Variants in USP6 observed in about 807,000 individuals in gnomAD.
The protein encoded by USP6 is ubiquitin carboxyl-terminal hydrolase 6.
USP6 carries 128 observed loss-of-function variants against 175.7 expected under a neutral mutation model. The ratio of observed to expected loss-of-function variants is 0.73; its 90% CI spans 0.63 to 0.84. The LOEUF (loss-of-function observed/expected upper bound fraction) is 0.84, where lower values mean the gene tolerates loss of function less well. USP6 is among the 40% of genes least tolerant of loss of function. USP6 has a pLI of 0.00. For missense variants in USP6, 1,498 were observed against 1,760.3 expected (o/e 0.85, Z 2.67); for synonymous variants, 562 against 630.6 (o/e 0.89, Z 1.63).
intron 30 of USP6, among the ~76,000 whole-genome samples, chr17:5,153,661 T>TC (rs1567803524): frequency 6.6e-6 from 1 of 150,494 alleles, no homozygotes. Flanking sequence ...CCTTTCTTTT[T>TC]CTTTTTTTTT....
At chr17:5,123,385 CGGCGT>C (rs917950543) in intron 4 of USP6, among the ~76,000 whole-genome samples, 10 of 151,678 alleles carry the variant, frequency 6.6e-5, no homozygotes, top group African/African-American at 2.4e-5. Context: ...TCAGCAGGCC[CGGCGT>C]GGCGTGGCGT....
intron 30 of USP6, among the ~76,000 whole-genome samples, chr17:5,153,398 T>C (rs2073815790): frequency 6.6e-6 from 1 of 152,156 alleles, no homozygotes; most frequent in African/African-American, 2.4e-5. Flanking sequence ...GTGATTCTCC[T>C]GCCTCGGCCT....
intron 25 of USP6, among the ~76,000 whole-genome samples, 184 bp downstream of exon 25, chr17:5,142,686 C>T (rs200392731): frequency 6.6e-6 from 1 of 152,152 alleles, no homozygotes; most frequent in African/African-American, 2.4e-5. Flanking sequence ...ACTGTATATG[C>T]AGTGGGTAGG....
chr17:5,123,221 T>C (rs1333297661), intron 4 of USP6: 1 of 53,274 alleles, frequency 1.9e-5, no homozygotes, highest in African/African-American at 7.1e-5. Context: ...ATCTACTGGA[T>C]GGGGCGGGTG....
In USP6 at chr17:5,130,656, A is replaced by G; in HGVS notation, c.127A>G (p.Ser43Gly). Residue 43 changes from serine (S) to glycine (G), a missense_variant, in exon 11 of 38, where the codon AGC becomes GGC. By Grantham distance (56) the Ser-to-Gly change is moderately conservative. This residue lies in a region of USP6 where 281 missense variants were observed against 259.6 expected (regional missense o/e 1.08). Coordinates refer to ENST00000574788, the MANE Select transcript of USP6 (RefSeq NM_001304284.2). ...GGGGCCTGAGCCCGTTGGAATCAAC[A>G]GCAGCATTGATCGTTTTGGCATTTT... ...DKGPEPVGIN[S>G]SIDRFGILHE... The G allele has an allele frequency of 6.2e-7, 1 of 1,614,004 alleles. No individual in the cohort carries two copies. The highest frequency in any genetic ancestry group is 8.5e-7 in the Non-Finnish European group (1 of 1,179,860).
At position 5,136,649 on chromosome 17, in the gene USP6, G is replaced by A. The variant is rs1349174398; in HGVS notation, c.674G>A (p.Ser225Asn). 6.2e-7 allele frequency: 1 copy of A among 1,611,722 alleles called. No homozygotes were observed. Among genetic ancestry groups the A allele is most frequent in the East Asian group, 2.2e-5 (1 of 44,892 alleles). Reference protein sequence around the residue: ...SERHSLPGFHSPNGGTVQGLQ... With the variant: ...SERHSLPGFHNPNGGTVQGLQ... ...GCTGGGGGCTTCTCAGGATTCCACAGCCCAAATGGTGGGACAGTCCAGGGG... is the reference window on the plus strand; with the variant it reads ...GCTGGGGGCTTCTCAGGATTCCACAACCCAAATGGTGGGACAGTCCAGGGG... The change falls in exon 18 of 38, where the codon AGC (serine) becomes AAC (asparagine). Residue 225 changes from serine to asparagine, a missense_variant. By Grantham distance (46) the Ser-to-Asn change is conservative. This residue lies in a region of USP6 where 1,217 missense variants were observed against 1,500.8 expected (regional missense o/e 0.81). Coordinates refer to ENST00000574788, the MANE Select transcript of USP6 (RefSeq NM_001304284.2).
chr17:5,130,649 AATC>A lies in USP6; in HGVS notation c.122_124del (p.Ile41del). 6.2e-7 allele frequency: 1 copy of A among 1,613,988 alleles called. No individual in the cohort carries two copies. The highest frequency in any genetic ancestry group is 1.7e-5 in the Admixed American group (1 of 60,018). On this transcript the variant is annotated inframe_deletion, in exon 11 of 38. Coordinates refer to ENST00000574788, the MANE Select transcript of USP6 (RefSeq NM_001304284.2). Reference sequence around the variant, plus strand: ...AGGACAAGGGGCCTGAGCCCGTTGGAATCAACAGCAGCATTGATCGTTTTGGCA... The same window carrying A: ...AGGACAAGGGGCCTGAGCCCGTTGGAAACAGCAGCATTGATCGTTTTGGCA...
intron 11 of USP6, among the ~76,000 whole-genome samples, chr17:5,131,603 G>A (rs2073070903): frequency 6.6e-6 from 1 of 151,184 alleles, no homozygotes; most frequent in African/African-American, 2.4e-5. Flanking sequence ...GACAGTGGGA[G>A]TTGTGGCCCT....
At chr17:5,135,013 G>A (rs546078228) in intron 15 of USP6, 35 of 505,002 alleles carry the variant, frequency 6.9e-5, no homozygotes, top group Middle Eastern at 8.8e-4. Flanking sequence ...ATCATTCAGC[G>A]TGAAAAGGAT....
In USP6 at chr17:5,163,009, G is replaced by A; in HGVS notation, c.3036+5G>A. 1 of 1,560,422 alleles carries A rather than the reference G, an allele frequency of 6.4e-7. No homozygotes were observed. Among genetic ancestry groups the A allele is most frequent in the Non-Finnish European group, 8.6e-7 (1 of 1,160,508 alleles). On this transcript the variant is annotated splice_donor_5th_base_variant and intron_variant, in intron 33 of 37. Coordinates refer to ENST00000574788, the MANE Select transcript of USP6 (RefSeq NM_001304284.2). ...TATCAAACATCCCAGGAAAGGGTAAGAATTTAGGGCCACCGTAAAATGGTG... is the reference window on the plus strand; with the variant it reads ...TATCAAACATCCCAGGAAAGGGTAAAAATTTAGGGCCACCGTAAAATGGTG...
intron 33 of USP6, among the ~76,000 whole-genome samples, chr17:5,165,096 C>T (rs1398479584): frequency 2.6e-5 from 4 of 151,978 alleles, no homozygotes; most frequent in Non-Finnish European, 5.9e-5. Context: ...GTTTTAAAAA[C>T]AAGACATAAA....
At position 5,169,042 on chromosome 17, in the gene USP6, C is replaced by G. The variant is rs1207118382; in HGVS notation, c.3504C>G (p.Ser1168Arg). The G allele has an allele frequency of 6.2e-7, 1 of 1,606,066 alleles. No homozygotes were observed. Among genetic ancestry groups the G allele is most frequent in the Non-Finnish European group, 8.5e-7 (1 of 1,176,368 alleles). ...CATCCTCACTCAGCGCTAACATCAG[C>G]AGCAGCCCAAAAGGTGAGGCCTGGG... ...KSPSSLSANI[S>R]SSPKGSPSSS... The change falls in exon 35 of 38, where the codon AGC becomes AGG. Residue 1168 changes from serine to arginine, a missense_variant. Transcript: ENST00000574788.
Position 5,133,910 on chromosome 17 carries a change from G to T in USP6, c.408G>T (p.Arg136Ser). The part of the protein sequence containing the change: ...RYQIMKERGK[R>S]SSEHIHHIDL... ...AGATCATGAAGGAGAGGGGCAAGAG[G>T]TCATCTGAACACATCCACCACATCG... Residue 136 changes from arginine (R) to serine (S), a missense_variant, in exon 15 of 38, where the codon AGG becomes AGT. Transcript: ENST00000574788. 2 of 1,614,166 alleles carry T rather than the reference G, an allele frequency of 1.2e-6. No homozygotes were observed. The highest frequency in any genetic ancestry group is 1.6e-4 in the Middle Eastern group (1 of 6,062).
At position 5,173,935 on chromosome 17, in the gene USP6, AAG is replaced by A. The variant is rs1215034374; in HGVS notation, c.*963_*964del. The A allele has an allele frequency of 2.3e-5, 5 of 218,630 alleles. No homozygotes were observed. The highest frequency in any genetic ancestry group is 1.4e-3 in the Middle Eastern group (1 of 720). The allele number at this position is 218,630 out of a possible 1,614,324, so 13.5% of individuals were successfully genotyped here. A position where few individuals can be genotyped will look rare whatever the true frequency, so the allele number is the denominator to read the frequency against. On this transcript the variant is annotated 3_prime_UTR_variant, in exon 38 of 38. Transcript: ENST00000574788. ...TCTGTGTTTGTTTTGCACTTTAAAA[AAG>A]AGAGAACACATGCAAATGAACTTGC...
intron 21 of USP6, chr17:5,138,930 G>A (rs2073349510): frequency 4.0e-6 from 5 of 1,256,802 alleles, no homozygotes; most frequent in Non-Finnish European, 4.3e-6. Context: ...TGACATCCAA[G>A]GCCCCTCCCA....
At position 5,132,747 on chromosome 17, in the gene USP6, A is replaced by G. The variant is rs2073114151; in HGVS notation, c.196-163A>G. Among the ~76,000 whole-genome samples, 1 of 152,016 alleles carries G rather than the reference A, an allele frequency of 6.6e-6. No homozygotes were observed. Among genetic ancestry groups the G allele is most frequent in the African/African-American group, 2.4e-5 (1 of 41,382 alleles). ...TGTCCCGGGGTCCCAAAGCCAGCCC[A>G]TTGGTGCTCATTTGCTCAAAGGCTC... On this transcript the variant is annotated intron_variant, in intron 12 of 37. Transcript: ENST00000574788. This position sits in a 1 kb window ranked among gnomAD's most constrained non-coding sequence, Gnocchi z 4.7.
In USP6 at chr17:5,135,898, C is replaced by T. The variant is rs1170104941; in HGVS notation, c.634C>T (p.Leu212=). ...GGACGCATTCTGGGCACTGGTGCAGCTGCTGGCCAGTGAGAGGCACTCCCT... is the reference window on the plus strand; with the variant it reads ...GGACGCATTCTGGGCACTGGTGCAGTTGCTGGCCAGTGAGAGGCACTCCCT... ...EEDAFWALVQ[L]LASERHSLPG... is the part of the protein sequence containing the mutation. Residue 212 remains leucine, a synonymous_variant, in exon 17 of 38, where the codon CTG becomes TTG. Coordinates refer to ENST00000574788, the MANE Select transcript of USP6 (RefSeq NM_001304284.2). The T allele has an allele frequency of 1.3e-6, 2 of 1,599,068 alleles. No individual in the cohort carries two copies. Among genetic ancestry groups the T allele is most frequent in the East Asian group, 2.2e-5 (1 of 44,872 alleles).
In USP6 at chr17:5,128,133, G is replaced by A. The variant is rs535675881; in HGVS notation, c.-338+494G>A. Among the ~76,000 whole-genome samples the A allele has an allele frequency of 2.6e-4, 39 of 152,318 alleles. 1 individual carries two copies. The South Asian group carries it at 7.7e-3, about 30-fold the overall frequency. On this transcript the variant is annotated intron_variant, in intron 7 of 37. Transcript: ENST00000574788. ...ACAGGCAGACTAAGCCCAGGTCAAA[G>A]CCCTCCCCTTGGATGTTCATTTTAT... is the stretch of plus-strand genomic sequence containing the variant.
At position 5,126,358 on chromosome 17, in the gene USP6, A is replaced by G. The variant is rs544070224; in HGVS notation, c.-474+420A>G. On this transcript the variant is annotated intron_variant, in intron 6 of 37. Transcript: ENST00000574788. ...AGCCCAGGAAGGCAATAGACAAGAC[A>G]TCACGGTTCACCAGAAGAGACAACA... Among the ~76,000 whole-genome samples, 13 of 152,270 alleles carry G rather than the reference A, an allele frequency of 8.5e-5. No homozygotes were observed. The East Asian group carries it at 2.1e-3, about 25-fold the overall frequency.
Sources: gnomAD v4.1 joint callset for allele counts (sites outside exome capture counted in the v4.1 genomes callset) on GRCh38, gnomAD v4.1.1 for gene constraint, gnomAD v4.1.1 regional missense constraint, Gnocchi (gnomAD v3.1) non-coding constraint, MANE v1.5 for transcripts, NCBI Gene and HGNC (gene_info 2026-07-23, HGNC 2026-07-21) for gene names.